PCDH11X: variants seen among roughly 807,000 people sequenced by gnomAD.
PCDH11X encodes the protein protocadherin-11 X-linked.
In PCDH11X, 18 loss-of-function variants were observed where a neutral mutation model predicts 53.3. The observed-to-expected ratio is 0.34, with a 90% CI of 0.23 to 0.50. The LOEUF (loss-of-function observed/expected upper bound fraction) is 0.50, where lower values mean the gene tolerates loss of function less well. Ranked by LOEUF, PCDH11X falls within the 20% of genes least tolerant of loss-of-function variation. PCDH11X has a pLI of 0.98. For synonymous variants in PCDH11X, 279 were observed against 393.3 expected (o/e 0.71, Z 3.44); for missense variants, 570 against 1,032.4 (o/e 0.55, Z 6.14).
intron 1 of PCDH11X, among the ~76,000 whole-genome samples, chrX:91,784,040 A>T (rs1315358525): frequency 8.9e-6 from 1 of 112,162 alleles, no homozygotes; most frequent in Non-Finnish European, 1.9e-5. Context: ...CATGCCCTGT[A>T]CAGAATAAGT....
chrX:91,938,836 CAAAT>C (rs1241339396), intron 6 of PCDH11X, among the ~76,000 whole-genome samples: 2 of 110,565 alleles, frequency 1.8e-5, no homozygotes, highest in African/African-American at 3.3e-5. Context: ...CATCTACTAA[CAAAT>C]AACAAAAAGA....
intron 9 of PCDH11X, among the ~76,000 whole-genome samples, chrX:92,395,491 A>G (rs1213205409): frequency 4.0e-4 from 45 of 111,387 alleles, no homozygotes; most frequent in African/African-American, 1.4e-3. Context: ...AGCTCTGTGA[A>G]CTTGGATAGG....
chrX:92,412,536 T>G (rs866730312), intron 9 of PCDH11X, among the ~76,000 whole-genome samples: 9,467 of 86,510 alleles, frequency 0.11, 490 homozygotes, highest in Middle Eastern at 0.16. Context: ...TATATATATA[T>G]ATATATATAT....
intron 6 of PCDH11X, among the ~76,000 whole-genome samples, chrX:92,145,422 A>G (rs1028726772): frequency 9.0e-6 from 1 of 110,893 alleles, no homozygotes; most frequent in African/African-American, 3.3e-5. Flanking sequence ...TAAAGGCAAC[A>G]TTTTCCAGAG....
intron 6 of PCDH11X, among the ~76,000 whole-genome samples, chrX:92,006,706 T>C (rs914827473): frequency 9.1e-6 from 1 of 110,319 alleles, no homozygotes; most frequent in Non-Finnish European, 1.9e-5. Context: ...AAGAGCTAGA[T>C]ATGTATTGTA....
At chrX:91,817,765 G>C (rs966488821) in intron 4 of PCDH11X, among the ~76,000 whole-genome samples, 2 of 111,260 alleles carry the variant, frequency 1.8e-5, no homozygotes, top group African/African-American at 6.5e-5. Flanking sequence ...GTATGGAAAA[G>C]AGAGTTCTTT....
chrX:92,005,581 T>A (rs1176746382), intron 6 of PCDH11X, among the ~76,000 whole-genome samples: 1 of 112,123 alleles, frequency 8.9e-6, no homozygotes. Flanking sequence ...TTGTTGTAGT[T>A]ATTATTTTTG....
chrX:92,278,874 C>T (rs188114334), intron 8 of PCDH11X, among the ~76,000 whole-genome samples: 7 of 94,290 alleles, frequency 7.4e-5, no homozygotes, highest in African/African-American at 2.1e-4. Flanking sequence ...TGCAATGGTG[C>T]GATCTCAGGT....
intron 6 of PCDH11X, among the ~76,000 whole-genome samples, chrX:92,098,137 C>G (rs2064171023): frequency 9.1e-6 from 1 of 110,419 alleles, no homozygotes; most frequent in African/African-American, 3.3e-5. Flanking sequence ...AATGAGGTAG[C>G]AGACGATATC....
intron 10 of PCDH11X, among the ~76,000 whole-genome samples, chrX:92,492,915 A>G (rs2073792156): frequency 9.0e-6 from 1 of 111,714 alleles, no homozygotes; most frequent in Non-Finnish European, 1.9e-5. Flanking sequence ...TTTATCTACC[A>G]CATAACTGAA....
intron 10 of PCDH11X, among the ~76,000 whole-genome samples, chrX:92,582,763 T>C (rs1347193291): frequency 9.1e-6 from 1 of 110,453 alleles, no homozygotes; most frequent in Non-Finnish European, 1.9e-5. Flanking sequence ...CACCAGCCCA[T>C]GAAAGCATCC....
chrX:91,924,728 A>T (rs1471199192), intron 6 of PCDH11X, among the ~76,000 whole-genome samples: 2 of 110,991 alleles, frequency 1.8e-5, no homozygotes, highest in East Asian at 5.7e-4. Context: ...AATTCTTCTT[A>T]TTATAGGGAA....
intron 9 of PCDH11X, among the ~76,000 whole-genome samples, chrX:92,467,742 G>A (rs1380801724): frequency 1.8e-5 from 2 of 111,038 alleles, no homozygotes; most frequent in Non-Finnish European, 3.8e-5. Flanking sequence ...TGAAGACAAT[G>A]GTATTATAGA....
At chrX:92,017,816 A>G (rs1300306540) in intron 6 of PCDH11X, among the ~76,000 whole-genome samples, 1 of 103,256 alleles carries the variant, frequency 9.7e-6, no homozygotes, top group Non-Finnish European at 2.0e-5. Flanking sequence ...GAAAAATGAA[A>G]AATGGCACCA....
chrX:92,255,212 C>T (rs2067546266), intron 7 of PCDH11X, among the ~76,000 whole-genome samples: 1 of 108,758 alleles, frequency 9.2e-6, no homozygotes, highest in African/African-American at 3.4e-5. Flanking sequence ...CGCTGATATC[C>T]TTTCTTCCAG....
intron 6 of PCDH11X, among the ~76,000 whole-genome samples, chrX:92,111,219 TAAAAAAAAAAAAAAA>T (rs771823629): frequency 5.4e-3 from 107 of 19,819 alleles, no homozygotes; most frequent in African/African-American, 0.015. Flanking sequence ...CACCTAACGC[TAAAAAAAAAAAAAAA>T]AAAAAAAAAA....
chrX:92,445,951 G>C (rs62598694), intron 9 of PCDH11X, among the ~76,000 whole-genome samples: 11,936 of 110,223 alleles, frequency 0.11, 521 homozygotes, highest in Middle Eastern at 0.15. Flanking sequence ...CCTACTCTTT[G>C]ATTCCATAAT....
chrX:92,258,719 C>CT (rs1042083473), intron 7 of PCDH11X, among the ~76,000 whole-genome samples: 4 of 110,752 alleles, frequency 3.6e-5, no homozygotes, highest in African/African-American at 9.8e-5. Flanking sequence ...AAAATGGAGA[C>CT]TTTTTTTTTC....
chrX:91,795,195 C>A (rs1279878299), intron 1 of PCDH11X, among the ~76,000 whole-genome samples: 1 of 111,909 alleles, frequency 8.9e-6, no homozygotes, highest in African/African-American at 3.2e-5. Flanking sequence ...TTGGAAGTAA[C>A]TTAAAACACA....
Sources: gnomAD v4.1 joint callset for allele counts (sites outside exome capture counted in the v4.1 genomes callset) on GRCh38, gnomAD v4.1.1 for gene constraint, MANE v1.5 for transcripts, NCBI Gene and HGNC (gene_info 2026-07-23, HGNC 2026-07-21) for gene names.